STARD13: variants seen among roughly 807,000 people sequenced by gnomAD.
STARD13 encodes the protein stAR-related lipid transfer protein 13.
A neutral mutation model predicts 106.4 loss-of-function variants in STARD13; 62 were observed. The observed-to-expected ratio is 0.58, with a 90% CI of 0.48 to 0.72. The LOEUF (loss-of-function observed/expected upper bound fraction) is 0.72, where lower values mean the gene tolerates loss of function less well. Among genes scored for constraint, STARD13 ranks in the 30% least tolerant of loss-of-function variants. The pLI, the probability that STARD13 is intolerant of heterozygous loss-of-function variation, is 0.00. For synonymous variants in STARD13, 565 were observed against 553.0 expected (o/e 1.02, Z -0.31); for missense variants, 1,387 against 1,424.0 (o/e 0.97, Z 0.42).
At chr13:33,403,957 T>G in the STARD13 span, among the ~76,000 whole-genome samples, 2 of 152,370 alleles carry the variant, frequency 1.3e-5, no homozygotes, top group South Asian at 4.1e-4. Context: ...GATTCTTCCA[T>G]TACTCTAGGT....
At chr13:33,536,684 T>C in the STARD13 span, among the ~76,000 whole-genome samples, 1 of 152,222 alleles carries the variant, frequency 6.6e-6, no homozygotes, top group Non-Finnish European at 1.5e-5. Flanking sequence ...AACTGGTAGA[T>C]ACCTCTTTTA....
At chr13:33,168,426 G>A (rs1883576644) in intron 1 of STARD13, among the ~76,000 whole-genome samples, 1 of 152,098 alleles carries the variant, frequency 6.6e-6, no homozygotes, top group African/African-American at 2.4e-5. Flanking sequence ...GAGATAGGAG[G>A]AGTCTACAGT....
At chr13:33,446,541 C>A in the STARD13 span, among the ~76,000 whole-genome samples, 1 of 151,950 alleles carries the variant, frequency 6.6e-6, no homozygotes, top group Admixed American at 6.6e-5. Flanking sequence ...TGCTTATTTT[C>A]ATTGCTATAT....
At chr13:33,652,716 C>T in the STARD13 span, among the ~76,000 whole-genome samples, 1 of 152,068 alleles carries the variant, frequency 6.6e-6, no homozygotes, top group African/African-American at 2.4e-5. Context: ...AAATGTTGGG[C>T]AAGTTCCCTA....
At chr13:33,672,908 C>G in the STARD13 span, among the ~76,000 whole-genome samples, 1 of 152,182 alleles carries the variant, frequency 6.6e-6, no homozygotes, top group Non-Finnish European at 1.5e-5. Context: ...GTTCTGAATG[C>G]TAGGATCCAT....
chr13:33,475,205 G>A, the STARD13 span, among the ~76,000 whole-genome samples: 32 of 152,036 alleles, frequency 2.1e-4, no homozygotes, highest in Non-Finnish European at 1.5e-5. Context: ...TTTGACAGAT[G>A]GTTCAGGATT....
chr13:33,134,907 C>A (rs1437785357), intron 4 of STARD13, among the ~76,000 whole-genome samples: 1 of 152,204 alleles, frequency 6.6e-6, no homozygotes, highest in African/African-American at 2.4e-5. Flanking sequence ...AGAGTTCTGG[C>A]AGATGTAAGC....
At chr13:33,470,488 G>A in the STARD13 span, among the ~76,000 whole-genome samples, 23,477 of 151,912 alleles carry the variant, frequency 0.15, 2,629 homozygotes, top group African/African-American at 0.32. Context: ...AGATCCTTGC[G>A]GAATCGCCAC....
Position 33,110,742 on chromosome 13 carries a change from A to C in STARD13, c.2773T>G (p.Phe925Val), listed in dbSNP as rs769253472. The change falls in exon 11 of 14, where the codon TTC (phenylalanine) becomes GTC (valine). Residue 925 changes from phenylalanine to valine, a missense_variant. By Grantham distance (50) the Phe-to-Val change is conservative. Transcript: ENST00000336934. Reference sequence around the variant, plus strand: ...CTGGAGCACGTGACCCATCCTTTGAACTTCTCCTTGGCTTCTTTCTGGAGG... The same window carrying C: ...CTGGAGCACGTGACCCATCCTTTGACCTTCTCCTTGGCTTCTTTCTGGAGG... ...QGLQKEAKEK[F>V]KGWVTCSSTD... 3.1e-6 allele frequency: 5 copies of C among 1,614,044 alleles called. No homozygotes were observed. Among genetic ancestry groups the C allele is most frequent in the African/African-American group, 2.7e-5 (2 of 74,910 alleles).
At chr13:33,591,057 T>G in the STARD13 span, among the ~76,000 whole-genome samples, 1 of 152,280 alleles carries the variant, frequency 6.6e-6, no homozygotes, top group African/African-American at 2.4e-5. Context: ...TTCGCATTCA[T>G]TTCATTTTTA....
At chr13:33,665,795 C>T in the STARD13 span, among the ~76,000 whole-genome samples, 1 of 151,980 alleles carries the variant, frequency 6.6e-6, no homozygotes, top group African/African-American at 2.4e-5. Context: ...AAGAGGGAAA[C>T]ATTAAGCTAG....
In STARD13 at chr13:33,215,686, G is replaced by T. The variant is rs7995389; in HGVS notation, c.170-48064C>A. ...ATTTTCTAGGCATCTTAAAAGGAAG[G>T]CAGAGTATCATTTCCCTGAAGTATT... On this transcript the variant is annotated intron_variant, in intron 1 of 13. Transcript: ENST00000336934. Among the ~76,000 whole-genome samples the T allele has an allele frequency of 6.4e-3, 974 of 152,284 alleles. 12 individuals carry two copies. Among genetic ancestry groups the T allele is most frequent in the African/African-American group, 0.022 (923 of 41,550 alleles).
chr13:33,670,611 A>T, the STARD13 span, among the ~76,000 whole-genome samples: 1 of 152,200 alleles, frequency 6.6e-6, no homozygotes, highest in African/African-American at 2.4e-5. Context: ...TGCTGTCGTC[A>T]CATAAGTGCA....
chr13:33,573,795 C>A, the STARD13 span, among the ~76,000 whole-genome samples: 1 of 152,144 alleles, frequency 6.6e-6, no homozygotes, highest in Non-Finnish European at 1.5e-5. Flanking sequence ...TATCTAGATT[C>A]ATAGGACCGT....
the STARD13 span, among the ~76,000 whole-genome samples, chr13:33,531,923 C>T: frequency 2.6e-5 from 4 of 152,128 alleles, no homozygotes; most frequent in African/African-American, 9.7e-5. Flanking sequence ...CTCAAAATAA[C>T]AATCCTAATG....
At chr13:33,552,401 GA>G in the STARD13 span, among the ~76,000 whole-genome samples, 37 of 152,088 alleles carry the variant, frequency 2.4e-4, no homozygotes, top group Non-Finnish European at 4.7e-4. Context: ...AAACACATCT[GA>G]ATAGATTTAA....
intron 1 of STARD13, among the ~76,000 whole-genome samples, chr13:33,180,914 GAC>G (rs1404913047): frequency 6.6e-6 from 1 of 151,942 alleles, no homozygotes; most frequent in Non-Finnish European, 1.5e-5. Context: ...AGTAAATATC[GAC>G]ACATAATTTT....
intron 1 of STARD13, among the ~76,000 whole-genome samples, chr13:33,265,687 C>G (rs1890862207): frequency 6.6e-6 from 1 of 151,996 alleles, no homozygotes; most frequent in Admixed American, 6.6e-5. Context: ...TTGTATTTAT[C>G]CCTTTTCAAT....
downstream of STARD13, among the ~76,000 whole-genome samples, chr13:33,346,521 G>T (rs985547552): frequency 6.6e-6 from 1 of 152,146 alleles, no homozygotes; most frequent in Non-Finnish European, 1.5e-5. Flanking sequence ...GAGTGAGTTA[G>T]AAAAAGGATT....
Sources: allele counts gnomAD v4.1 joint callset (sites outside exome capture counted in the v4.1 genomes callset), GRCh38; gene constraint gnomAD v4.1.1; transcripts MANE v1.5; gene names NCBI Gene and HGNC (gene_info 2026-07-23, HGNC 2026-07-21).